The following PTPRM variants were observed in gnomAD, a reference collection of about 807,000 sequenced individuals.
PTPRM encodes protein tyrosine phosphatase receptor type M, also known as receptor-type tyrosine-protein phosphatase mu.
In PTPRM, 47 loss-of-function variants were observed where a neutral mutation model predicts 186.7. That is an observed-to-expected ratio of 0.25 (90% CI 0.20 to 0.32). The LOEUF (loss-of-function observed/expected upper bound fraction) is 0.32. PTPRM is among the 10% of genes least tolerant of loss of function. The pLI, the probability that PTPRM is intolerant of heterozygous loss-of-function variation, is 1.00. For synonymous variants in PTPRM, 668 were observed against 674.9 expected, an observed-to-expected ratio of 0.99 and a Z score of 0.16; for missense variants, 1,494 against 1,865.0, an observed-to-expected ratio of 0.80 and a Z score of 3.66.
chr18:7,673,314 C>A (rs1265557211), intron 1 of PTPRM, among the ~76,000 whole-genome samples: 4 of 152,126 alleles, frequency 2.6e-5, no homozygotes, highest in Non-Finnish European at 1.5e-5. Context: ...ATCTCACCAA[C>A]AAAAGAAGAA....
chr18:7,976,107 T>C (rs1213638663), intron 7 of PTPRM, among the ~76,000 whole-genome samples: 1 of 152,142 alleles, frequency 6.6e-6, no homozygotes, highest in African/African-American at 2.4e-5. Flanking sequence ...AGGCAGAGAT[T>C]GCAGTGAGCC....
intron 7 of PTPRM, among the ~76,000 whole-genome samples, chr18:8,001,070 A>G (rs2083844021): frequency 1.3e-5 from 2 of 152,202 alleles, no homozygotes; most frequent in Admixed American, 6.5e-5. Flanking sequence ...GATTGGGGGC[A>G]GAAGAGTGAG....
intron 14 of PTPRM, among the ~76,000 whole-genome samples, chr18:8,215,547 T>TTTC (rs1179951903): frequency 3.8e-5 from 3 of 78,246 alleles, no homozygotes; most frequent in African/African-American, 1.2e-4. Context: ...TTTCTTTTCT[T>TTTC]TTTTTTTTTT....
chr18:8,123,651 G>A (rs1249620955), intron 13 of PTPRM, among the ~76,000 whole-genome samples: 1 of 152,124 alleles, frequency 6.6e-6, no homozygotes, highest in East Asian at 1.9e-4. Flanking sequence ...CTGAACTTCT[G>A]AAGTGTTCTT....
chr18:8,102,236 A>G (rs1450623816), intron 11 of PTPRM, among the ~76,000 whole-genome samples: 1 of 152,188 alleles, frequency 6.6e-6, no homozygotes, highest in East Asian at 1.9e-4. Flanking sequence ...TCAGGGTGGT[A>G]GTTTCTGAAG....
At chr18:7,917,098 C>T (rs2050604734) in intron 4 of PTPRM, among the ~76,000 whole-genome samples, 1 of 152,180 alleles carries the variant, frequency 6.6e-6, no homozygotes, top group Admixed American at 6.5e-5. Flanking sequence ...CACATCCATG[C>T]TGCAGCAAAT....
chr18:7,667,400 T>C (rs2039120140), intron 1 of PTPRM, among the ~76,000 whole-genome samples: 1 of 152,188 alleles, frequency 6.6e-6, no homozygotes, highest in South Asian at 2.1e-4. Context: ...TAATATTAAA[T>C]GGAACCCCCT....
chr18:7,832,656 C>G (rs1194904328), intron 2 of PTPRM, among the ~76,000 whole-genome samples: 1 of 152,100 alleles, frequency 6.6e-6, no homozygotes, highest in Admixed American at 6.6e-5. Context: ...CTTTTGGTTG[C>G]TGGTACTTGT....
chr18:7,896,114 C>A (rs775426113), intron 3 of PTPRM, among the ~76,000 whole-genome samples: 4 of 152,178 alleles, frequency 2.6e-5, no homozygotes, highest in Non-Finnish European at 5.9e-5. Context: ...CTAATTGCTT[C>A]TGTGTTGACC....
chr18:7,986,577 C>T (rs147331630), intron 7 of PTPRM, among the ~76,000 whole-genome samples: 193 of 152,334 alleles, frequency 1.3e-3, no homozygotes, highest in African/African-American at 4.4e-3. Context: ...GTGTCATGGT[C>T]TGTGAGAGGT....
intron 14 of PTPRM, among the ~76,000 whole-genome samples, chr18:8,225,622 C>G (rs1054573647): frequency 6.6e-6 from 1 of 152,204 alleles, no homozygotes; most frequent in Non-Finnish European, 1.5e-5. Flanking sequence ...CTTTCACCAT[C>G]GGTAGCCCTG....
intron 1 of PTPRM, among the ~76,000 whole-genome samples, chr18:7,664,907 G>A (rs1487618486): frequency 6.6e-6 from 1 of 152,170 alleles, no homozygotes; most frequent in Non-Finnish European, 1.5e-5. Flanking sequence ...AGAAGTTTGT[G>A]GGGGAAAACA....
At chr18:8,243,253 A>G (rs1464389379) in intron 14 of PTPRM, among the ~76,000 whole-genome samples, 1 of 152,218 alleles carries the variant, frequency 6.6e-6, no homozygotes, top group Non-Finnish European at 1.5e-5. Context: ...CTCCAAAAGA[A>G]TTAGAAATCT....
chr18:7,972,739 T>A (rs965369985), intron 7 of PTPRM, among the ~76,000 whole-genome samples: 1 of 152,102 alleles, frequency 6.6e-6, no homozygotes, highest in Non-Finnish European at 1.5e-5. Flanking sequence ...ACTGAAGTCA[T>A]AGATGTGATA....
At position 8,247,911 on chromosome 18, in the gene PTPRM, A is replaced by C. The variant is rs142726956; in HGVS notation, c.2519A>C (p.Tyr840Ser). Reference protein sequence around the residue: ...NTLSTSVPNSYYPDPFVPTAI... With the variant: ...NTLSTSVPNSSYPDPFVPTAI... The stretch of plus-strand genomic sequence containing the variant: ...CTGAGCACATCGGTGCCTAATTCCT[A>C]TTACCCAGGTAACAGTTTTTTCCAT... Residue 840 changes from tyrosine (Y) to serine (S), a missense_variant, in exon 16 of 33, where the codon TAT becomes TCT. Transcript: ENST00000580170. 1 of 1,590,972 alleles carries C rather than the reference A, an allele frequency of 6.3e-7. No homozygotes were observed. The highest frequency in any genetic ancestry group is 2.2e-5 in the East Asian group (1 of 44,754).
chr18:8,217,596 T>A (rs2094105132), intron 14 of PTPRM, among the ~76,000 whole-genome samples: 1 of 152,202 alleles, frequency 6.6e-6, no homozygotes, highest in Admixed American at 6.5e-5. Context: ...AAAATTAGAA[T>A]GGTTATATTG....
At chr18:8,291,642 C>T (rs1349099554) in intron 19 of PTPRM, among the ~76,000 whole-genome samples, 1 of 151,820 alleles carries the variant, frequency 6.6e-6, no homozygotes, top group Non-Finnish European at 1.5e-5. Flanking sequence ...TTATTCTTGC[C>T]CAAAGAAAAA....
intron 14 of PTPRM, among the ~76,000 whole-genome samples, chr18:8,239,673 T>TG (rs1321288524): frequency 6.6e-6 from 1 of 152,166 alleles, no homozygotes; most frequent in African/African-American, 2.4e-5. Context: ...CTCTCCAATT[T>TG]GGGGGGCAGT....
intron 7 of PTPRM, among the ~76,000 whole-genome samples, chr18:7,985,024 T>C (rs1488135837): frequency 1.6e-5 from 2 of 124,454 alleles, no homozygotes; most frequent in African/African-American, 3.2e-5. Context: ...TAATTATATA[T>C]ACATATATAA....
Sources: gnomAD v4.1 joint callset for allele counts (sites outside exome capture counted in the v4.1 genomes callset) on GRCh38, gnomAD v4.1.1 for gene constraint, MANE v1.5 for transcripts, NCBI Gene and HGNC (gene_info 2026-07-23, HGNC 2026-07-21) for gene names.